Variants in MDGA2 observed in about 807,000 individuals in gnomAD.
MDGA2 encodes the protein MAM domain containing glycosylphosphatidylinositol anchor 2, also known as MAM domain-containing glycosylphosphatidylinositol anchor protein 2.
A neutral mutation model predicts 117.8 loss-of-function variants in MDGA2; 40 were observed. That is an observed-to-expected ratio of 0.34 (90% CI 0.26 to 0.44). MDGA2 has a LOEUF of 0.44. MDGA2 is among the 20% of genes least tolerant of loss of function. MDGA2 has a pLI of 1.00. For synonymous variants in MDGA2, 452 were observed against 439.0 expected (o/e 1.03, Z -0.37); for missense variants, 1,123 against 1,250.6 (o/e 0.90, Z 1.54).
At chr14:47,032,482 G>A (rs1888697716) in intron 8 of MDGA2, among the ~76,000 whole-genome samples, 1 of 152,050 alleles carries the variant, frequency 6.6e-6, no homozygotes, top group Non-Finnish European at 1.5e-5. Flanking sequence ...AGCTACTCAG[G>A]AAGCTGAGGT....
chr14:47,387,130 C>G (rs746378156), intron 1 of MDGA2, among the ~76,000 whole-genome samples: 20 of 152,038 alleles, frequency 1.3e-4, no homozygotes, highest in Non-Finnish European at 2.8e-4. Context: ...TTTAGAATAC[C>G]TTACTAGGAA....
rs538884964 is a variant in MDGA2 at position 47,512,291 on chromosome 14, A to T, written c.280+162226T>A. ...TAAGTGTCAGAATTTTTAAAAAGTG[A>T]CCTTGAAACTACCCATTGTAGCTTT... On this transcript the variant is annotated intron_variant, in intron 1 of 16. Coordinates refer to ENST00000399232, the MANE Select transcript of MDGA2 (RefSeq NM_001113498.3). Among the ~76,000 whole-genome samples, 169 of 152,244 alleles carry T rather than the reference A, an allele frequency of 1.1e-3. 1 individual carries two copies. Among genetic ancestry groups the T allele is most frequent in the Non-Finnish European group, 7.1e-4 (48 of 68,000 alleles).
At chr14:47,367,722 A>G (rs1891260634) in intron 1 of MDGA2, among the ~76,000 whole-genome samples, 2 of 152,140 alleles carry the variant, frequency 1.3e-5, no homozygotes, top group African/African-American at 4.8e-5. Flanking sequence ...ACGTTTCTTG[A>G]CCTCCTACCT....
At chr14:47,427,325 C>A (rs1236554306) in intron 1 of MDGA2, among the ~76,000 whole-genome samples, 2 of 152,060 alleles carry the variant, frequency 1.3e-5, no homozygotes, top group African/African-American at 4.8e-5. Context: ...TCCTTTTTAG[C>A]TATGGAATAG....
rs550626052 is a variant in MDGA2, at chr14:46,926,516, C to T, written c.2090-6356G>A. Among the ~76,000 whole-genome samples the T allele has an allele frequency of 8.6e-5, 13 of 151,720 alleles. No homozygotes were observed. The South Asian group carries it at 2.1e-3, about 24-fold the overall frequency. ...TTGAGAATCAAAGTCATATAGTGTT[C>T]ACATACATAGACTGGCTAAGGCAGT... On this transcript the variant is annotated intron_variant, in intron 9 of 16. Coordinates refer to ENST00000399232, the MANE Select transcript of MDGA2 (RefSeq NM_001113498.3).
At chr14:47,592,387 A>T (rs1192442656) in intron 1 of MDGA2, among the ~76,000 whole-genome samples, 2 of 152,072 alleles carry the variant, frequency 1.3e-5, no homozygotes, top group African/African-American at 4.8e-5. Flanking sequence ...ATAAAAAAAA[A>T]ACTTTAAAAT....
At chr14:47,290,147 G>A (rs1265573782) in intron 2 of MDGA2, among the ~76,000 whole-genome samples, 2 of 151,986 alleles carry the variant, frequency 1.3e-5, no homozygotes, top group African/African-American at 2.4e-5. Context: ...CTCTGAATAT[G>A]TGTCCCTCCC....
intron 7 of MDGA2, among the ~76,000 whole-genome samples, chr14:47,039,691 G>A (rs1328681540): frequency 6.6e-6 from 1 of 152,134 alleles, no homozygotes; most frequent in Non-Finnish European, 1.5e-5. Flanking sequence ...TCATAAAACA[G>A]TTGAACAATA....
chr14:46,991,134 C>T (rs1029329661), intron 8 of MDGA2, among the ~76,000 whole-genome samples: 1 of 151,984 alleles, frequency 6.6e-6, no homozygotes, highest in South Asian at 2.1e-4. Context: ...TATGAATGTA[C>T]TTCCTTTTCT....
At chr14:46,928,085 T>C (rs1187048063) in intron 9 of MDGA2, among the ~76,000 whole-genome samples, 1 of 152,166 alleles carries the variant, frequency 6.6e-6, no homozygotes, top group Non-Finnish European at 1.5e-5. Context: ...TTGTAGGTTA[T>C]GCCTCTTCAA....
chr14:47,403,496 A>T (rs1225630523), intron 1 of MDGA2, among the ~76,000 whole-genome samples: 1 of 152,100 alleles, frequency 6.6e-6, no homozygotes, highest in African/African-American at 2.4e-5. Context: ...TGAACTGATC[A>T]CTAGGTGCTG....
intron 2 of MDGA2, among the ~76,000 whole-genome samples, chr14:47,289,152 G>T (rs1202168493): frequency 6.6e-6 from 1 of 151,854 alleles, no homozygotes; most frequent in Non-Finnish European, 1.5e-5. Context: ...TAAATTAATT[G>T]TCTTAATTGG....
At chr14:47,048,067 T>C (rs1353459349) in intron 7 of MDGA2, among the ~76,000 whole-genome samples, 1 of 152,076 alleles carries the variant, frequency 6.6e-6, no homozygotes, top group African/African-American at 2.4e-5. Flanking sequence ...AAATGGCACA[T>C]AATACAGATA....
chr14:47,239,816 G>T (rs116107090), intron 2 of MDGA2, among the ~76,000 whole-genome samples: 1 of 151,676 alleles, frequency 6.6e-6, no homozygotes, highest in Non-Finnish European at 1.5e-5. Context: ...AAATGTTATT[G>T]CATCCTTGCT....
At chr14:47,150,705 C>T (rs867737592) in intron 3 of MDGA2, among the ~76,000 whole-genome samples, 3 of 152,116 alleles carry the variant, frequency 2.0e-5, no homozygotes, top group Admixed American at 6.5e-5. Context: ...AGGTGGATCA[C>T]CTGAAGTAGG....
At chr14:47,070,141 G>A (rs183045333) in intron 6 of MDGA2, among the ~76,000 whole-genome samples, 1 of 151,958 alleles carries the variant, frequency 6.6e-6, no homozygotes, top group East Asian at 1.9e-4. Context: ...ACCCTGTTGT[G>A]CTATCAAATA....
intron 1 of MDGA2, among the ~76,000 whole-genome samples, chr14:47,525,666 C>T (rs1894956900): frequency 1.3e-5 from 2 of 151,378 alleles, no homozygotes; most frequent in Admixed American, 1.3e-4. Flanking sequence ...CCCTGGACGA[C>T]AGTGAGACAC....
At chr14:47,304,323 C>G (rs925850870) in intron 1 of MDGA2, among the ~76,000 whole-genome samples, 1 of 152,144 alleles carries the variant, frequency 6.6e-6, no homozygotes, top group Non-Finnish European at 1.5e-5. Context: ...TGTGGCTAAA[C>G]GAGACCAAAG....
At chr14:46,848,639 G>T (rs1880937288) in intron 15 of MDGA2, among the ~76,000 whole-genome samples, 1 of 146,630 alleles carries the variant, frequency 6.8e-6, no homozygotes, top group Non-Finnish European at 1.5e-5. Flanking sequence ...TTGGACCTAG[G>T]CTTGTGCTAA....
Sources: allele counts gnomAD v4.1 joint callset (sites outside exome capture counted in the v4.1 genomes callset), GRCh38; gene constraint gnomAD v4.1.1; transcripts MANE v1.5; gene names NCBI Gene and HGNC (gene_info 2026-07-23, HGNC 2026-07-21).